KLHL6: variants seen among roughly 807,000 people sequenced by gnomAD.
The protein encoded by KLHL6 is kelch like family member 6.
Under a neutral mutation model 58.6 loss-of-function variants are expected in KLHL6, and 41 were observed. The observed-to-expected ratio is 0.70, with a 90% CI of 0.55 to 0.91. The LOEUF is 0.91. Ranked by LOEUF, KLHL6 falls within the 40% of genes least tolerant of loss-of-function variation. The probability of loss-of-function intolerance (pLI) is 0.00; values close to 1 mark genes in which losing one functional copy is unlikely to be tolerated. For missense variants in KLHL6, 714 were observed against 805.6 expected, an observed-to-expected ratio of 0.89 and a Z score of 1.38; for synonymous variants, 338 against 322.7, an observed-to-expected ratio of 1.05 and a Z score of -0.51.
In KLHL6 at chr3:183,511,337, C is replaced by T. The variant is rs190551345; in HGVS notation, c.460-2829G>A. On this transcript the variant is annotated intron_variant, in intron 2 of 6. Coordinates refer to ENST00000341319, the MANE Select transcript of KLHL6 (RefSeq NM_130446.4). The stretch of plus-strand genomic sequence containing the variant: ...ATTGCTGCCAACATGTCTCGCCTCC[C>T]GCCACAGGGCGGTTTTTCTCCTATC... Among the ~76,000 whole-genome samples, 243 of 152,358 alleles carry T rather than the reference C, an allele frequency of 1.6e-3. 1 individual carries two copies. Among genetic ancestry groups the T allele is most frequent in the South Asian group, 3.3e-3 (16 of 4,832 alleles).
intron 1 of KLHL6, among the ~76,000 whole-genome samples, chr3:183,534,085 C>CTTTACTTTTAAAGTACT (rs1560106876): frequency 1.6e-4 from 10 of 60,694 alleles, no homozygotes; most frequent in African/African-American, 3.5e-4. Flanking sequence ...TTTAAAAGTA[C>CTTTACTTTTAAAGTACT]TTTACTTTTA....
intron 2 of KLHL6, among the ~76,000 whole-genome samples, chr3:183,514,666 T>A (rs55667353): frequency 0.45 from 67,603 of 151,552 alleles, 17,260 homozygotes; most frequent in Non-Finnish European, 0.58. Context: ...TTTTTAAATT[T>A]AATTTAATTT....
At chr3:183,528,321 A>T (rs1712047600) in intron 1 of KLHL6, among the ~76,000 whole-genome samples, 1 of 152,282 alleles carries the variant, frequency 6.6e-6, no homozygotes, top group South Asian at 2.1e-4. Flanking sequence ...GGAATCCCCA[A>T]GCTTCATCTT....
At chr3:183,507,042 C>T (rs1718029081) in intron 3 of KLHL6, among the ~76,000 whole-genome samples, 3 of 151,960 alleles carry the variant, frequency 2.0e-5, no homozygotes, top group Non-Finnish European at 4.4e-5. Context: ...AGGACTAGAG[C>T]AGAAGTGGGA....
rs564851806 is a variant in KLHL6 at position 183,539,118 on chromosome 3, C to A, written c.294-11108G>T. Among the ~76,000 whole-genome samples, 4 of 152,256 alleles carry A rather than the reference C, an allele frequency of 2.6e-5. No homozygotes were observed. In the East Asian group the frequency reaches 7.7e-4, roughly 29 times the overall value. On this transcript the variant is annotated intron_variant, in intron 1 of 6. Transcript: ENST00000341319. ...CAAAGCAAACTTTGAGAACCTCTGC[C>A]CTAGAAAGAGGTCACCCCTACTTCC... is the stretch of plus-strand genomic sequence containing the variant.
Position 183,492,966 on chromosome 3 carries a change from A to C in KLHL6, c.1351-259T>G. ...CAGCCTCTCCCGGAATCCAGCTCTC[A>C]GGCAAGAATAAGTTTATACAGATGA... On this transcript the variant is annotated intron_variant, in intron 5 of 6. Transcript: ENST00000341319. This position sits in a 1 kb window ranked among gnomAD's most constrained non-coding sequence, Gnocchi z 5.9. The C allele has an allele frequency of 2.1e-6, 1 of 479,906 alleles. No homozygotes were observed. Among genetic ancestry groups the C allele is most frequent in the Non-Finnish European group, 3.8e-6 (1 of 261,132 alleles). The allele number at this position is 479,906 out of a possible 1,614,324, so 29.7% of individuals were successfully genotyped here.
chr3:183,552,546 GTC>G (rs1260575115), intron 1 of KLHL6, among the ~76,000 whole-genome samples: 2 of 151,516 alleles, frequency 1.3e-5, no homozygotes, highest in African/African-American at 4.9e-5. Context: ...GTGAAACCCC[GTC>G]TCTACTAAAA....
At chr3:183,536,139 C>A (rs1302899998) in intron 1 of KLHL6, among the ~76,000 whole-genome samples, 1 of 152,092 alleles carries the variant, frequency 6.6e-6, no homozygotes, top group Non-Finnish European at 1.5e-5. Flanking sequence ...CATGTCTGAC[C>A]GGGCATCTGG....
chr3:183,534,121 T>A (rs60085394), intron 1 of KLHL6, among the ~76,000 whole-genome samples: 116 of 119,796 alleles, frequency 9.7e-4, no homozygotes, highest in African/African-American at 3.3e-3. Flanking sequence ...ACTTTACTTT[T>A]AAAGTACTTT....
chr3:183,551,696 A>C (rs888456821), intron 1 of KLHL6, among the ~76,000 whole-genome samples: 14 of 152,202 alleles, frequency 9.2e-5, no homozygotes, highest in African/African-American at 3.4e-4. Flanking sequence ...ATCAAGAAAG[A>C]GCAGTATAAG....
chr3:183,523,565 G>C (rs747785019), intron 2 of KLHL6, among the ~76,000 whole-genome samples: 1 of 152,138 alleles, frequency 6.6e-6, no homozygotes, highest in South Asian at 2.1e-4. Flanking sequence ...GTTATGTACC[G>C]TAGGGATCCT....
chr3:183,555,458 G>T lies in KLHL6; in HGVS notation c.196C>A (p.Arg66=), dbSNP rs781649953. Residue 66 remains arginine (R), a synonymous_variant, in exon 1 of 7, where the codon CGA becomes AGA. Transcript: ENST00000341319. The stretch of plus-strand genomic sequence containing the variant: ...ACATCTGTCAGAGCGTTTTCCATTC[G>T]CAGGGTTTCCAGGCCATTCTGAAGA... ...LILQNGLETL[R]MENALTDVIL... is the part of the protein sequence containing the mutation. 5.0e-6 allele frequency: 8 copies of T among 1,613,980 alleles called. No individual in the cohort carries two copies. The Middle Eastern group carries it at 4.9e-4, about 99-fold the overall frequency.
At chr3:183,503,448 C>T (rs1416042317) in intron 3 of KLHL6, among the ~76,000 whole-genome samples, 3 of 152,286 alleles carry the variant, frequency 2.0e-5, no homozygotes, top group Admixed American at 6.5e-5. Flanking sequence ...CTAAAATTTC[C>T]TGTTGTTAAC....
intron 1 of KLHL6, among the ~76,000 whole-genome samples, chr3:183,548,445 T>C (rs557449855): frequency 1.3e-5 from 2 of 152,264 alleles, no homozygotes; most frequent in Non-Finnish European, 2.9e-5. Flanking sequence ...GCAATCTCCT[T>C]TGTTGATGCT....
intron 2 of KLHL6, among the ~76,000 whole-genome samples, chr3:183,510,411 C>A (rs763540113): frequency 1.2e-4 from 18 of 151,922 alleles, no homozygotes; most frequent in South Asian, 4.2e-4. Context: ...GGCTATCGAG[C>A]CTGAAGGTTG....
At position 183,521,692 on chromosome 3, in the gene KLHL6, ATT is replaced by A. The variant is rs10556149; in HGVS notation, c.459+6151_459+6152del. The A allele has an allele frequency of 3.1e-3, 410 of 130,518 alleles. 2 individuals are homozygous for A. The highest frequency in any genetic ancestry group is 7.9e-3 in the African/African-American group (278 of 35,130). 8.1% of individuals were successfully genotyped at this position (130,518 alleles called of 1,614,324 possible). On this transcript the variant is annotated intron_variant, in intron 2 of 6. Coordinates refer to ENST00000341319, the MANE Select transcript of KLHL6 (RefSeq NM_130446.4). ...CATTGAGGGTAAAAAGACCTACCTGATTTTTTTTTTTTTTTTTTTGAGATGGA... is the reference window on the plus strand; with the variant it reads ...CATTGAGGGTAAAAAGACCTACCTGATTTTTTTTTTTTTTTTTGAGATGGA...
At chr3:183,541,764 AG>A (rs1459025059) in intron 1 of KLHL6, among the ~76,000 whole-genome samples, 1 of 152,212 alleles carries the variant, frequency 6.6e-6, no homozygotes, top group East Asian at 1.9e-4. Flanking sequence ...TGGATAAGAG[AG>A]GGGAACATAT....
chr3:183,516,111 A>G (rs535829311), intron 2 of KLHL6, among the ~76,000 whole-genome samples: 2 of 152,174 alleles, frequency 1.3e-5, no homozygotes, highest in Admixed American at 6.5e-5. Flanking sequence ...AGCTAACAAA[A>G]TGCCAGGAGA....
chr3:183,530,471 C>T (rs571666377), intron 1 of KLHL6, among the ~76,000 whole-genome samples: 17 of 152,260 alleles, frequency 1.1e-4, no homozygotes, highest in Non-Finnish European at 2.1e-4. Context: ...TATTTAGCTG[C>T]GGATACGTCT....
Sources: allele counts gnomAD v4.1 joint callset (sites outside exome capture counted in the v4.1 genomes callset), GRCh38; gene constraint gnomAD v4.1.1; non-coding constraint Gnocchi (gnomAD v3.1); transcripts MANE v1.5; gene names NCBI Gene and HGNC (gene_info 2026-07-23, HGNC 2026-07-21).